Variants in DLC1 observed in about 807,000 individuals in gnomAD.
The protein encoded by DLC1 is DLC1 Rho GTPase activating protein.
DLC1 carries 54 observed loss-of-function variants against 140.3 expected under a neutral mutation model. The ratio of observed to expected loss-of-function variants is 0.38; its 90% CI spans 0.31 to 0.48. The LOEUF (loss-of-function observed/expected upper bound fraction) is 0.48. Ranked by LOEUF, DLC1 falls within the 20% of genes least tolerant of loss-of-function variation. The pLI is 0.96. For missense variants in DLC1, 2,536 were observed against 1,907.0 expected (o/e 1.33, Z -6.14); for synonymous variants, 986 against 728.1 (o/e 1.35, Z -5.70).
At chr8:13,347,400 T>C (rs1204003591) in intron 4 of DLC1, among the ~76,000 whole-genome samples, 1 of 152,138 alleles carries the variant, frequency 6.6e-6, no homozygotes, top group Non-Finnish European at 1.5e-5. Context: ...AGCTCAAGGA[T>C]GTGCAGGTGC....
intron 15 of DLC1, among the ~76,000 whole-genome samples, chr8:13,089,213 C>T (rs1283829324): frequency 2.6e-5 from 4 of 151,742 alleles, no homozygotes; most frequent in Non-Finnish European, 4.4e-5. Context: ...GCTGAGATCA[C>T]ACCACTGCAC....
chr8:13,479,994 A>G (rs943965765), intron 2 of DLC1, among the ~76,000 whole-genome samples: 1 of 151,132 alleles, frequency 6.6e-6, no homozygotes, highest in Non-Finnish European at 1.5e-5. Flanking sequence ...TGGGCCCAGG[A>G]GGTGGGGGCT....
At chr8:13,485,835 C>G (rs1488932481) in intron 2 of DLC1, among the ~76,000 whole-genome samples, 1 of 152,124 alleles carries the variant, frequency 6.6e-6, no homozygotes, top group Non-Finnish European at 1.5e-5. Flanking sequence ...AAGGCTCATG[C>G]ACAACTTAGC....
intron 5 of DLC1, among the ~76,000 whole-genome samples, chr8:13,201,302 A>G (rs2117067729): frequency 6.6e-6 from 1 of 152,280 alleles, no homozygotes; most frequent in Non-Finnish European, 1.5e-5. Flanking sequence ...TCAAACTGCT[A>G]TTTTAATGAT....
chr8:13,443,379 G>T (rs1241498876), intron 2 of DLC1, among the ~76,000 whole-genome samples: 1 of 147,684 alleles, frequency 6.8e-6, no homozygotes, highest in Non-Finnish European at 1.5e-5. Flanking sequence ...CCCAAATGAG[G>T]CCAGGCATGG....
intron 2 of DLC1, among the ~76,000 whole-genome samples, chr8:13,437,132 C>G: frequency 6.6e-6 from 1 of 152,282 alleles, no homozygotes; most frequent in South Asian, 2.1e-4. Flanking sequence ...TTGCTGTCTT[C>G]CTCTGTCTAC....
intron 2 of DLC1, among the ~76,000 whole-genome samples, chr8:13,433,716 T>C (rs999658524): frequency 6.6e-6 from 1 of 152,228 alleles, no homozygotes; most frequent in African/African-American, 2.4e-5. Flanking sequence ...CATGCTCTGT[T>C]GACTCAATTA....
Position 13,212,052 on chromosome 8 carries a change from G to T in DLC1, c.1348+93217C>A, listed in dbSNP as rs540536962. On this transcript the variant is annotated intron_variant, in intron 5 of 17. Coordinates refer to ENST00000276297, the MANE Select transcript of DLC1 (RefSeq NM_182643.3). ...CATGAAAGCAGCTGGTACTGTCCCTGATAGACAAAACAATGAACATTGACC... is the reference window on the plus strand; with the variant it reads ...CATGAAAGCAGCTGGTACTGTCCCTTATAGACAAAACAATGAACATTGACC... 7.9e-5 allele frequency among the ~76,000 whole-genome samples: 12 copies of T among 152,254 alleles called. No homozygotes were observed. The South Asian group carries it at 2.3e-3, about 29-fold the overall frequency.
In DLC1 at chr8:13,252,390, G is replaced by A. The variant is rs984930436; in HGVS notation, c.1348+52879C>T. 3.9e-5 allele frequency among the ~76,000 whole-genome samples: 6 copies of A among 152,168 alleles called. No individual in the cohort carries two copies. The East Asian group carries it at 7.7e-4, about 20-fold the overall frequency. The stretch of plus-strand genomic sequence containing the variant: ...GAAAGACCTCCAAACCCTGCTGCAC[G>A]AGAGGGAAGGTCTAAGAACTCTTGT... On this transcript the variant is annotated intron_variant, in intron 5 of 17. Coordinates refer to ENST00000276297, the MANE Select transcript of DLC1 (RefSeq NM_182643.3).
chr8:13,299,222 C>G (rs932306968), intron 5 of DLC1, among the ~76,000 whole-genome samples: 3 of 151,610 alleles, frequency 2.0e-5, no homozygotes, highest in African/African-American at 7.3e-5. Flanking sequence ...GCGGGTGGAT[C>G]CCTTGAGGCC....
At chr8:13,272,988 A>G (rs1831004369) in intron 5 of DLC1, among the ~76,000 whole-genome samples, 1 of 152,218 alleles carries the variant, frequency 6.6e-6, no homozygotes, top group Non-Finnish European at 1.5e-5. Context: ...AGTACATCAT[A>G]ATTTTATGTT....
intron 5 of DLC1, among the ~76,000 whole-genome samples, chr8:13,129,866 A>ATTCT (rs1821929472): frequency 2.0e-5 from 3 of 152,234 alleles, no homozygotes; most frequent in South Asian, 2.1e-4. Context: ...CTGGCTATAC[A>ATTCT]GGGTGAATGG....
chr8:13,520,441 G>T (rs1303736584), intron 1 of DLC1, among the ~76,000 whole-genome samples: 1 of 152,080 alleles, frequency 6.6e-6, no homozygotes, highest in African/African-American at 2.4e-5. Context: ...CACGGACACA[G>T]GGAGGGGAAC....
chr8:13,254,616 A>G (rs574754841), intron 5 of DLC1, among the ~76,000 whole-genome samples: 3 of 151,772 alleles, frequency 2.0e-5, no homozygotes, highest in African/African-American at 4.8e-5. Flanking sequence ...CATTATCTCT[A>G]TCCTAACCCA....
At chr8:13,529,168 C>T (rs1194560372) in intron 1 of DLC1, among the ~76,000 whole-genome samples, 1 of 151,982 alleles carries the variant, frequency 6.6e-6, no homozygotes, top group Non-Finnish European at 1.5e-5. Context: ...GTTTTATTAC[C>T]ATTAAGCTAC....
chr8:13,118,796 A>G (rs1223030823), intron 5 of DLC1, among the ~76,000 whole-genome samples: 6 of 152,146 alleles, frequency 3.9e-5, no homozygotes, highest in East Asian at 1.9e-4. Flanking sequence ...CTCTAATCTA[A>G]GTATTAATAA....
At position 13,273,418 on chromosome 8, in the gene DLC1, T is replaced by C. The variant is rs76038794; in HGVS notation, c.1348+31851A>G. On this transcript the variant is annotated intron_variant, in intron 5 of 17. Transcript: ENST00000276297. ...GGTTGGGAATAATGGTTGTAGAAGA[T>C]AGGATTAACAGAAACTCCTGTGGGA... Among the ~76,000 whole-genome samples the C allele has an allele frequency of 7.2e-5, 11 of 152,248 alleles. No homozygotes were observed. In the East Asian group the frequency reaches 1.5e-3, roughly 21 times the overall value.
chr8:13,414,951 C>T (rs1027318159), intron 2 of DLC1, among the ~76,000 whole-genome samples: 5 of 152,030 alleles, frequency 3.3e-5, no homozygotes, highest in Non-Finnish European at 5.9e-5. Flanking sequence ...GCTGGGATTA[C>T]AGGCGTGCGC....
intron 5 of DLC1, among the ~76,000 whole-genome samples, chr8:13,188,827 G>GTATATATA (rs1563149780): frequency 2.1e-4 from 6 of 28,612 alleles, no homozygotes; most frequent in Non-Finnish European, 3.6e-4. Flanking sequence ...ATATATATAT[G>GTATATATA]TATATATATA....
Sources: gnomAD v4.1 joint callset for allele counts (sites outside exome capture counted in the v4.1 genomes callset) on GRCh38, gnomAD v4.1.1 for gene constraint, MANE v1.5 for transcripts, NCBI Gene and HGNC (gene_info 2026-07-23, HGNC 2026-07-21) for gene names.